Variants in AGAP6 observed in about 807,000 individuals in gnomAD.
AGAP6 encodes arf-GAP with GTPase, ANK repeat and PH domain-containing protein 6.
AGAP6 carries 29 observed loss-of-function variants against 63.9 expected under a neutral mutation model. That is an observed-to-expected ratio of 0.45 (90% CI 0.34 to 0.62). The LOEUF (loss-of-function observed/expected upper bound fraction) is 0.62, where lower values mean the gene tolerates loss of function less well. Ranked by LOEUF, AGAP6 falls within the 20% of genes least tolerant of loss-of-function variation. AGAP6 has a pLI of 0.01. For missense variants in AGAP6, 493 were observed against 884.9 expected, an observed-to-expected ratio of 0.56 and a Z score of 5.62; for synonymous variants, 199 against 332.9, an observed-to-expected ratio of 0.60 and a Z score of 4.38.
At chr10:49,990,601 A>T (rs1421020805) in intron 2 of AGAP6, among the ~76,000 whole-genome samples, 1 of 152,248 alleles carries the variant, frequency 6.6e-6, no homozygotes, top group African/African-American at 2.4e-5. Flanking sequence ...TCTGGGTAAT[A>T]ATATGGTTCT....
At chr10:49,992,243 C>A (rs1436129252) in intron 3 of AGAP6, among the ~76,000 whole-genome samples, 1 of 151,970 alleles carries the variant, frequency 6.6e-6, no homozygotes, top group Non-Finnish European at 1.5e-5. Context: ...CATCCAAGTT[C>A]ATGCTACTCA....
chr10:49,988,786 T>C lies in AGAP6; in HGVS notation c.71T>C (p.Val24Ala). 1 of 1,597,016 alleles carries C rather than the reference T, an allele frequency of 6.3e-7. No individual in the cohort carries two copies. The highest frequency in any genetic ancestry group is 8.5e-7 in the Non-Finnish European group (1 of 1,179,514). ...GAGTTTGACCAGCAGCAGGGGTCGG[T>C]GTGTCCCTCTGAATCTGAGACCTAT... ...SLEFDQQQGS[V>A]CPSESETYEA... The change falls in exon 1 of 8, where the codon GTG becomes GCG. Residue 24 changes from valine (V) to alanine (A), a missense_variant. Coordinates refer to ENST00000412531, the MANE Select transcript of AGAP6 (RefSeq NM_001077665.3).
chr10:49,994,829 G>A (rs1841423542), intron 4 of AGAP6, among the ~76,000 whole-genome samples: 1 of 151,888 alleles, frequency 6.6e-6, no homozygotes, highest in Admixed American at 6.6e-5. Flanking sequence ...GGGCGTGGTG[G>A]TGCATGCCTG....
intron 6 of AGAP6, among the ~76,000 whole-genome samples, chr10:50,005,175 A>G (rs1424981041): frequency 6.6e-6 from 1 of 152,058 alleles, no homozygotes; most frequent in Non-Finnish European, 1.5e-5. Context: ...GTTAACAGAA[A>G]TTTTTCATTG....
At chr10:49,993,005 A>G (rs1215717819) in intron 3 of AGAP6, among the ~76,000 whole-genome samples, 12 of 151,818 alleles carry the variant, frequency 7.9e-5, no homozygotes, top group South Asian at 4.2e-4. Flanking sequence ...CAAGTGATCT[A>G]CCCGCTTCAG....
chr10:49,994,340 T>A (rs1380809383), intron 3 of AGAP6, 55 bp from the exon 4 acceptor site: 18 of 1,486,398 alleles, frequency 1.2e-5, no homozygotes, highest in Non-Finnish European at 1.6e-5. Flanking sequence ...TAACAACTAC[T>A]TTTATTTTAT....
At chr10:50,007,747 A>G (rs1179699498) in intron 6 of AGAP6, among the ~76,000 whole-genome samples, 10 of 151,814 alleles carry the variant, frequency 6.6e-5, no homozygotes. Flanking sequence ...AGAAGAGTGA[A>G]AATATGTTTG....
intron 5 of AGAP6, among the ~76,000 whole-genome samples, 156 bp from the exon 6 acceptor site, chr10:50,004,527 AAG>A (rs1841831907): frequency 7.0e-6 from 1 of 141,886 alleles, no homozygotes; most frequent in East Asian, 2.0e-4. Flanking sequence ...GTAAAAAACA[AAG>A]AAATGAAAAC....
chr10:50,009,056 G>A lies in AGAP6; in HGVS notation c.931G>A (p.Gly311Ser). ...GAAATACGTCACCCTGTGTTCCAAT[G>A]GCATGCTCACCTATTATTCAAGCTT... is the stretch of plus-strand genomic sequence containing the variant. ...KKKYVTLCSN[G>S]MLTYYSSLGD... Residue 311 changes from glycine to serine, a missense_variant, in exon 8 of 8, where the codon GGC (glycine) becomes AGC (serine). Physicochemically the swap from Gly to Ser is moderately conservative, Grantham distance 56. This residue lies in a region of AGAP6 where 342 missense variants were observed against 533.4 expected (regional missense o/e 0.64). Coordinates refer to ENST00000412531, the MANE Select transcript of AGAP6 (RefSeq NM_001077665.3). 3 of 1,613,584 alleles carry A rather than the reference G, an allele frequency of 1.9e-6. No homozygotes were observed. The highest frequency in any genetic ancestry group is 2.5e-6 in the Non-Finnish European group (3 of 1,179,878).
At chr10:49,998,869 T>G (rs1363632794) in intron 4 of AGAP6, among the ~76,000 whole-genome samples, 1 of 139,176 alleles carries the variant, frequency 7.2e-6, no homozygotes, top group Admixed American at 8.0e-5. Context: ...TTCCATTTGT[T>G]TGTGTCCATG....
At chr10:50,001,436 T>TAAAG (rs1241262853) in intron 4 of AGAP6, among the ~76,000 whole-genome samples, 1 of 134,340 alleles carries the variant, frequency 7.4e-6, no homozygotes, top group Non-Finnish European at 1.6e-5. Context: ...TTTTTTTTTT[T>TAAAG]TGAGACGGAG....
intron 3 of AGAP6, 35 bp downstream of exon 3, chr10:49,991,779 A>T: frequency 6.3e-7 from 1 of 1,597,688 alleles, no homozygotes; most frequent in Non-Finnish European, 8.5e-7. Context: ...CAAGAGAAAG[A>T]ATAAAAGCTC....
At chr10:49,989,754 AAG>A (rs1317813183) in intron 2 of AGAP6, among the ~76,000 whole-genome samples, 1 of 152,234 alleles carries the variant, frequency 6.6e-6, no homozygotes, top group Non-Finnish European at 1.5e-5. Context: ...AAAAAGAAAA[AAG>A]GAGAGTGCTT....
In AGAP6 at chr10:49,990,439, C is replaced by T. The variant is rs1170481215; in HGVS notation, c.292+1063C>T. Among the ~76,000 whole-genome samples, 5 of 152,268 alleles carry T rather than the reference C, an allele frequency of 3.3e-5. No homozygotes were observed. The East Asian group carries it at 7.7e-4, about 23-fold the overall frequency. Reference sequence around the variant, plus strand: ...CAGCCTGGGTGACAGAGCGAGACTCCGTCTCACAAAAATAAAAAGGAAAGA... The same window carrying T: ...CAGCCTGGGTGACAGAGCGAGACTCTGTCTCACAAAAATAAAAAGGAAAGA... On this transcript the variant is annotated intron_variant, in intron 2 of 7. Coordinates refer to ENST00000412531, the MANE Select transcript of AGAP6 (RefSeq NM_001077665.3).
intron 4 of AGAP6, among the ~76,000 whole-genome samples, chr10:49,995,072 C>T (rs1841435357): frequency 6.6e-6 from 1 of 151,796 alleles, no homozygotes; most frequent in East Asian, 1.9e-4. Context: ...GACTTTCTAT[C>T]ACAGCAGGTA....
At position 50,009,720 on chromosome 10, in the gene AGAP6, T is replaced by G. The variant is rs782591361; in HGVS notation, c.1595T>G (p.Met532Arg). The G allele has an allele frequency of 3.7e-6, 6 of 1,614,166 alleles. No individual in the cohort carries two copies. In the Admixed American group the frequency reaches 1.0e-4, roughly 27 times the overall value. ...DDWPVELRKVMSSIVNDLANS... is the reference protein window; with the variant it reads ...DDWPVELRKVRSSIVNDLANS... ...TGGCCAGTTGAGCTCAGGAAGGTTA[T>G]GTCATCTATTGTCAATGACCTAGCC... Residue 532 changes from methionine (M) to arginine (R), a missense_variant, in exon 8 of 8, where the codon ATG becomes AGG. Coordinates refer to ENST00000412531, the MANE Select transcript of AGAP6 (RefSeq NM_001077665.3).
At chr10:50,004,971 T>C (rs1841858965) in intron 6 of AGAP6, among the ~76,000 whole-genome samples, 1 of 152,262 alleles carries the variant, frequency 6.6e-6, no homozygotes, top group South Asian at 2.1e-4. Context: ...TGAAATTTTT[T>C]CAAAATCTGT....
At chr10:49,995,682 T>A (rs1841456694) in intron 4 of AGAP6, among the ~76,000 whole-genome samples, 1 of 152,174 alleles carries the variant, frequency 6.6e-6, no homozygotes, top group African/African-American at 2.4e-5. Context: ...TTGTGTGGGA[T>A]CGCCTGAGTC....
chr10:50,009,192 C>T lies in AGAP6; in HGVS notation c.1067C>T (p.Ser356Phe), dbSNP rs1354655940. 1 of 1,614,238 alleles carries T rather than the reference C, an allele frequency of 6.2e-7. No homozygotes were observed. Among genetic ancestry groups the T allele is most frequent in the Non-Finnish European group, 8.5e-7 (1 of 1,180,042 alleles). Residue 356 changes from serine to phenylalanine, a missense_variant, in exon 8 of 8, where the codon TCC (serine) becomes TTC (phenylalanine). Ser to Phe is a radical substitution (Grantham distance 155). Transcript: ENST00000412531. ...GCCACATCGGCCTGCACACCCATCT[C>T]CAGCTCTAAAAGCAATGGCCTATCC... ...SLATSACTPISSSKSNGLSKD... is the reference protein window; with the variant it reads ...SLATSACTPIFSSKSNGLSKD...
Sources: allele counts gnomAD v4.1 joint callset (sites outside exome capture counted in the v4.1 genomes callset), GRCh38; gene constraint gnomAD v4.1.1; regional missense constraint gnomAD v4.1.1; transcripts MANE v1.5; gene names NCBI Gene and HGNC (gene_info 2026-07-23, HGNC 2026-07-21).